The following NOS1AP variants were observed in gnomAD, a reference collection of about 807,000 sequenced individuals.
The protein encoded by NOS1AP is carboxyl-terminal PDZ ligand of neuronal nitric oxide synthase protein.
NOS1AP carries 21 observed loss-of-function variants against 56.2 expected under a neutral mutation model. The observed-to-expected ratio is 0.37, with a 90% confidence interval of 0.26 to 0.54. The LOEUF (loss-of-function observed/expected upper bound fraction) is 0.54. Among genes scored for constraint, NOS1AP ranks in the 20% least tolerant of loss-of-function variants. NOS1AP has a pLI of 0.84. For synonymous variants in NOS1AP, 270 were observed against 274.6 expected, an observed-to-expected ratio of 0.98 and a Z score of 0.17; for missense variants, 522 against 657.8, an observed-to-expected ratio of 0.79 and a Z score of 2.26.
At chr1:162,359,902 A>C (rs1657835720) in intron 8 of NOS1AP, among the ~76,000 whole-genome samples, 1 of 152,136 alleles carries the variant, frequency 6.6e-6, no homozygotes, top group African/African-American at 2.4e-5. Flanking sequence ...TCTCTCGGAG[A>C]GCATCCAAAT....
At chr1:162,322,891 A>C (rs1656466565) in intron 4 of NOS1AP, among the ~76,000 whole-genome samples, 1 of 152,254 alleles carries the variant, frequency 6.6e-6, no homozygotes, top group Non-Finnish European at 1.5e-5. Flanking sequence ...TTCAATATTC[A>C]AATGATATCT....
At chr1:162,073,735 C>T (rs1042821841) in intron 1 of NOS1AP, among the ~76,000 whole-genome samples, 6 of 152,250 alleles carry the variant, frequency 3.9e-5, no homozygotes, top group African/African-American at 1.2e-4. Context: ...GTTGGGATTA[C>T]AGGCGTGAAC....
At chr1:162,202,267 T>A (rs1445574899) in intron 2 of NOS1AP, among the ~76,000 whole-genome samples, 3 of 152,168 alleles carry the variant, frequency 2.0e-5, no homozygotes, top group Non-Finnish European at 2.9e-5. Flanking sequence ...TGCAGAGCAT[T>A]TGAAGAATAG....
chr1:162,120,282 G>GA (rs2102050970), intron 1 of NOS1AP, among the ~76,000 whole-genome samples: 1 of 152,058 alleles, frequency 6.6e-6, no homozygotes, highest in African/African-American at 2.4e-5. Flanking sequence ...TTATAATAAT[G>GA]AAAAATGGAA....
chr1:162,154,102 C>T (rs2102094956), intron 1 of NOS1AP, among the ~76,000 whole-genome samples: 1 of 151,796 alleles, frequency 6.6e-6, no homozygotes, highest in African/African-American at 2.4e-5. Flanking sequence ...AATTGCTTTG[C>T]CATAAAGTAG....
chr1:162,285,776 C>A (rs1388277503), intron 2 of NOS1AP, among the ~76,000 whole-genome samples: 2 of 152,028 alleles, frequency 1.3e-5, no homozygotes, highest in Admixed American at 6.5e-5. Flanking sequence ...TTCCAGGGCC[C>A]CTTGGTAAAA....
intron 2 of NOS1AP, among the ~76,000 whole-genome samples, chr1:162,250,262 A>G (rs1346995131): frequency 6.6e-6 from 1 of 152,178 alleles, no homozygotes; most frequent in East Asian, 1.9e-4. Flanking sequence ...TTATCTGATC[A>G]TTGAAGTTAG....
intron 2 of NOS1AP, among the ~76,000 whole-genome samples, chr1:162,221,448 C>G (rs1158947857): frequency 2.8e-4 from 42 of 151,816 alleles, no homozygotes; most frequent in Admixed American, 2.8e-3. Flanking sequence ...GTCATTCTCC[C>G]TTTCTACAGA....
intron 1 of NOS1AP, among the ~76,000 whole-genome samples, chr1:162,117,295 C>G (rs1409762292): frequency 6.6e-6 from 1 of 152,178 alleles, no homozygotes; most frequent in African/African-American, 2.4e-5. Context: ...CAGCTAGATT[C>G]ATCTGTGGAT....
intron 4 of NOS1AP, among the ~76,000 whole-genome samples, chr1:162,318,302 A>G (rs1439556372): frequency 3.9e-5 from 6 of 152,130 alleles, no homozygotes; most frequent in Non-Finnish European, 8.8e-5. Context: ...TTTGCTATCT[A>G]TATTTCCAAA....
At chr1:162,221,441 A>T (rs1652764935) in intron 2 of NOS1AP, among the ~76,000 whole-genome samples, 1 of 151,670 alleles carries the variant, frequency 6.6e-6, no homozygotes, top group East Asian at 1.9e-4. Flanking sequence ...AGTTACAGTC[A>T]TTCTCCCTTT....
chr1:162,229,709 G>A (rs1653063254), intron 2 of NOS1AP, among the ~76,000 whole-genome samples: 1 of 152,154 alleles, frequency 6.6e-6, no homozygotes, highest in Admixed American at 6.5e-5. Flanking sequence ...GCCCTTGATT[G>A]ACTTATGAGT....
At chr1:162,357,339 G>A (rs1037761906) in intron 8 of NOS1AP, among the ~76,000 whole-genome samples, 4 of 152,134 alleles carry the variant, frequency 2.6e-5, no homozygotes, top group Non-Finnish European at 5.9e-5. Flanking sequence ...GGCACATTTT[G>A]GTTTCCCATG....
intron 2 of NOS1AP, among the ~76,000 whole-genome samples, chr1:162,210,691 T>A (rs530619626): frequency 2.0e-5 from 3 of 152,350 alleles, no homozygotes; most frequent in Admixed American, 2.0e-4. Flanking sequence ...TGGTGACTCC[T>A]CCTTCTCCTG....
chr1:162,285,011 CT>C (rs1482808374), intron 2 of NOS1AP, among the ~76,000 whole-genome samples: 5 of 152,142 alleles, frequency 3.3e-5, no homozygotes, highest in Non-Finnish European at 5.9e-5. Context: ...GAGGTAGGTA[CT>C]TGATATTTCT....
intron 2 of NOS1AP, among the ~76,000 whole-genome samples, chr1:162,262,987 G>C (rs1383664816): frequency 6.6e-6 from 1 of 152,082 alleles, no homozygotes; most frequent in Non-Finnish European, 1.5e-5. Flanking sequence ...TCTTCTTAAA[G>C]TAACTAGTGA....
chr1:162,305,421 A>G (rs866021015), intron 4 of NOS1AP, among the ~76,000 whole-genome samples: 26 of 151,654 alleles, frequency 1.7e-4, no homozygotes, highest in Middle Eastern at 3.4e-3. Context: ...TTATTACAGT[A>G]TACCTCTTTA....
At chr1:162,158,305 G>A (rs1650054485) in intron 2 of NOS1AP, among the ~76,000 whole-genome samples, 1 of 152,128 alleles carries the variant, frequency 6.6e-6, no homozygotes, top group East Asian at 1.9e-4. Flanking sequence ...CATCCATGTT[G>A]CAGTATGTGA....
At chr1:162,206,595 A>G (rs993247996) in intron 2 of NOS1AP, among the ~76,000 whole-genome samples, 3 of 152,224 alleles carry the variant, frequency 2.0e-5, no homozygotes, top group Non-Finnish European at 4.4e-5. Flanking sequence ...TTGTTATCAT[A>G]AGATAAGGGG....
Sources: allele counts gnomAD v4.1 joint callset (sites outside exome capture counted in the v4.1 genomes callset), GRCh38; gene constraint gnomAD v4.1.1; transcripts MANE v1.5; gene names NCBI Gene and HGNC (gene_info 2026-07-23, HGNC 2026-07-21).